The following HTR4 variants were observed in gnomAD, a reference collection of about 807,000 sequenced individuals.
HTR4 encodes the protein 5-hydroxytryptamine receptor 4.
In HTR4, 16 loss-of-function variants were observed where a neutral mutation model predicts 36.8. That is an observed-to-expected ratio of 0.43 (90% confidence interval 0.29 to 0.66). The LOEUF is 0.66. HTR4 is among the 30% of genes least tolerant of loss of function. HTR4 has a pLI of 0.13. For synonymous variants in HTR4, 189 were observed against 185.1 expected, an observed-to-expected ratio of 1.02 and a Z score of -0.17; for missense variants, 438 against 490.9, an observed-to-expected ratio of 0.89 and a Z score of 1.02.
intron 6 of HTR4, among the ~76,000 whole-genome samples, chr5:148,486,125 C>T (rs1221075505): frequency 6.6e-6 from 1 of 152,186 alleles, no homozygotes; most frequent in Non-Finnish European, 1.5e-5. Flanking sequence ...CTCACAACGT[C>T]TCTCTCTCAG....
chr5:148,605,121 A>G (rs1202831275), intron 2 of HTR4, among the ~76,000 whole-genome samples: 1 of 152,162 alleles, frequency 6.6e-6, no homozygotes, highest in East Asian at 1.9e-4. Context: ...CTCAGCTGGT[A>G]CCAGGGTCAA....
chr5:148,484,124 C>T, intron 6 of HTR4: 1 of 865,274 alleles, frequency 1.2e-6, no homozygotes, highest in Non-Finnish European at 1.7e-6. Context: ...CAAACTAGAC[C>T]TTAAGTTTTT....
chr5:148,476,843 G>A, downstream of HTR4: 2 of 1,583,614 alleles, frequency 1.3e-6, no homozygotes, highest in South Asian at 1.2e-5. Flanking sequence ...TTGGGGATTG[G>A]AATAGGTCAA....
At position 148,559,886 on chromosome 5, in the gene HTR4, T is replaced by G. The variant is rs531045576; in HGVS notation, c.27-9624A>C. Among the ~76,000 whole-genome samples, 10 of 152,240 alleles carry G rather than the reference T, an allele frequency of 6.6e-5. No individual in the cohort carries two copies. In the East Asian group the frequency reaches 1.7e-3, roughly 27 times the overall value. On this transcript the variant is annotated intron_variant, in intron 2 of 6. Coordinates refer to ENST00000377888, the MANE Select transcript of HTR4 (RefSeq NM_000870.7). ...CCTTCTTTTCCCCGCTTATAAAGCT[T>G]TTTTACTCCCCTGCCTGTCTTTGAG...
intron 4 of HTR4, among the ~76,000 whole-genome samples, chr5:148,525,592 C>T (rs1758230973): frequency 6.6e-6 from 1 of 152,194 alleles, no homozygotes; most frequent in African/African-American, 2.4e-5. Flanking sequence ...GGCTTTTTAT[C>T]TCAGCAGCAG....
At chr5:148,457,265 T>G (rs1378483802) in intron 5 of HTR4, among the ~76,000 whole-genome samples, 1 of 152,098 alleles carries the variant, frequency 6.6e-6, no homozygotes, top group Admixed American at 6.6e-5. Context: ...ACCTGGGCAG[T>G]TTCACATCTA....
chr5:148,591,054 C>T (rs1243141936), intron 2 of HTR4, among the ~76,000 whole-genome samples: 1 of 152,146 alleles, frequency 6.6e-6, no homozygotes. Flanking sequence ...TATGGCTAGC[C>T]AGTTATTCCA....
intron 2 of HTR4, among the ~76,000 whole-genome samples, chr5:148,579,713 C>G (rs1761061667): frequency 6.6e-6 from 1 of 151,978 alleles, no homozygotes; most frequent in African/African-American, 2.4e-5. Context: ...ACTAAAGACC[C>G]CATTCTCTTG....
At chr5:148,503,336 T>C (rs944828045) in intron 6 of HTR4, among the ~76,000 whole-genome samples, 1 of 152,196 alleles carries the variant, frequency 6.6e-6, no homozygotes, top group Non-Finnish European at 1.5e-5. Context: ...GGGGCCAATA[T>C]TCAACATTCT....
At chr5:148,465,937 A>G (rs1403387487) in intron 5 of HTR4, 4 of 1,612,410 alleles carry the variant, frequency 2.5e-6, no homozygotes, top group Non-Finnish European at 3.4e-6. Context: ...TTTTAGTTGA[A>G]ACAGAAAACA....
chr5:148,494,654 A>C (rs1296387762), intron 6 of HTR4, among the ~76,000 whole-genome samples: 1 of 152,232 alleles, frequency 6.6e-6, no homozygotes, highest in African/African-American at 2.4e-5. Flanking sequence ...GTCTGAGAGA[A>C]AGTTGTATTG....
chr5:148,637,553 T>TA (rs1410711380), intron 1 of HTR4, among the ~76,000 whole-genome samples: 4 of 152,140 alleles, frequency 2.6e-5, no homozygotes, highest in African/African-American at 7.2e-5. Context: ...AAAAAATAGA[T>TA]ACGCATGCAC....
At chr5:148,488,168 A>T (rs1217216283) in intron 6 of HTR4, among the ~76,000 whole-genome samples, 2 of 152,220 alleles carry the variant, frequency 1.3e-5, no homozygotes, top group African/African-American at 4.8e-5. Flanking sequence ...TAGATACACT[A>T]TCAACCAGAA....
chr5:148,523,441 G>A, intron 4 of HTR4, 95 bp from the exon 5 acceptor site: 1 of 993,548 alleles, frequency 1.0e-6, no homozygotes, highest in South Asian at 2.0e-5. Context: ...GGGAGGAAGA[G>A]GGGATGGAGC....
intron 4 of HTR4, among the ~76,000 whole-genome samples, chr5:148,526,958 T>C (rs1472781507): frequency 6.6e-6 from 1 of 152,152 alleles, no homozygotes; most frequent in Non-Finnish European, 1.5e-5. Flanking sequence ...ATCTAGTGTT[T>C]GGGCAGCACA....
Position 148,633,164 on chromosome 5 carries a change from A to T in HTR4, c.26+3825T>A, listed in dbSNP as rs145571311. Reference sequence around the variant, plus strand: ...TACCAAGGGACAGGACTCATCAGGAACTTGCCTCCCCAACCAGGGCCTGAT... The same window carrying T: ...TACCAAGGGACAGGACTCATCAGGATCTTGCCTCCCCAACCAGGGCCTGAT... On this transcript the variant is annotated intron_variant, in intron 2 of 6. Transcript: ENST00000377888. Among the ~76,000 whole-genome samples, 392 of 152,214 alleles carry T rather than the reference A, an allele frequency of 2.6e-3. 4 individuals are homozygous for T. Among genetic ancestry groups the T allele is most frequent in the African/African-American group, 7.8e-3 (325 of 41,528 alleles).
chr5:148,462,314 C>T (rs1755296929), intron 5 of HTR4, among the ~76,000 whole-genome samples: 1 of 151,758 alleles, frequency 6.6e-6, no homozygotes, highest in Non-Finnish European at 1.5e-5. Flanking sequence ...AAATTATTAA[C>T]ATAAGAAATG....
intron 5 of HTR4, among the ~76,000 whole-genome samples, chr5:148,519,344 C>T (rs893117427): frequency 2.0e-5 from 3 of 152,166 alleles, no homozygotes; most frequent in Non-Finnish European, 2.9e-5. Flanking sequence ...ATTATGTTAA[C>T]AACCCTGCAT....
At chr5:148,505,255 G>A (rs1209807423) in intron 6 of HTR4, among the ~76,000 whole-genome samples, 1 of 152,130 alleles carries the variant, frequency 6.6e-6, no homozygotes, top group African/African-American at 2.4e-5. Flanking sequence ...CATATAAACA[G>A]AACCAAAGAC....
Sources: allele counts gnomAD v4.1 joint callset (sites outside exome capture counted in the v4.1 genomes callset), GRCh38; gene constraint gnomAD v4.1.1; transcripts MANE v1.5; gene names NCBI Gene and HGNC (gene_info 2026-07-23, HGNC 2026-07-21).